DOCK4: variants seen among roughly 807,000 people sequenced by gnomAD.
DOCK4 encodes dedicator of cytokinesis protein 4.
Under a neutral mutation model 268.1 loss-of-function variants are expected in DOCK4, and 97 were observed. That is an observed-to-expected ratio of 0.36 (90% confidence interval 0.31 to 0.43). The LOEUF (loss-of-function observed/expected upper bound fraction) is 0.43, where lower values mean the gene tolerates loss of function less well. Among genes scored for constraint, DOCK4 ranks in the 20% least tolerant of loss-of-function variants. The pLI, the probability that DOCK4 is intolerant of heterozygous loss-of-function variation, is 1.00. For missense variants in DOCK4, 2,145 were observed against 2,455.7 expected, an observed-to-expected ratio of 0.87 and a Z score of 2.67; for synonymous variants, 954 against 887.2, an observed-to-expected ratio of 1.08 and a Z score of -1.34.
At chr7:111,849,610 T>C (rs1269834757) in intron 23 of DOCK4, among the ~76,000 whole-genome samples, 1 of 152,168 alleles carries the variant, frequency 6.6e-6, no homozygotes, top group East Asian at 1.9e-4. Flanking sequence ...TGATCCTTCA[T>C]TGTCCATTCA....
intron 23 of DOCK4, among the ~76,000 whole-genome samples, chr7:111,848,008 C>A (rs1349734431): frequency 1.3e-5 from 2 of 152,000 alleles, no homozygotes; most frequent in Non-Finnish European, 2.9e-5. Context: ...GGAAATTATC[C>A]CTGGTAATTC....
chr7:112,202,994 A>C (rs1293693613), intron 1 of DOCK4, among the ~76,000 whole-genome samples: 4 of 152,202 alleles, frequency 2.6e-5, no homozygotes, highest in Non-Finnish European at 5.9e-5. Context: ...ATGTCACAAC[A>C]AAAGTGTCTC....
chr7:111,856,362 T>C lies in DOCK4; in HGVS notation c.2473+7010A>G, dbSNP rs565839322. On this transcript the variant is annotated intron_variant, in intron 23 of 52. Transcript: ENST00000428084. ...GGGCAACTATGATTTCAGTGAGGTA[T>C]ATTTTTCATCTTAAGTTCTATGTGC... Among the ~76,000 whole-genome samples the C allele has an allele frequency of 4.6e-5, 7 of 152,344 alleles. No individual in the cohort carries two copies. The East Asian group carries it at 1.4e-3, about 29-fold the overall frequency.
chr7:111,918,138 C>G (rs1221254936), intron 12 of DOCK4, among the ~76,000 whole-genome samples: 1 of 152,124 alleles, frequency 6.6e-6, no homozygotes, highest in Non-Finnish European at 1.5e-5. Context: ...AAACTGGAGC[C>G]TCTCCTGAGG....
At chr7:111,891,927 G>C (rs1238746147) in intron 16 of DOCK4, among the ~76,000 whole-genome samples, 3 of 111,234 alleles carry the variant, frequency 2.7e-5, no homozygotes, top group Non-Finnish European at 5.2e-5. Flanking sequence ...ATAACTCTTG[G>C]TCAGTCAGGA....
intron 1 of DOCK4, among the ~76,000 whole-genome samples, chr7:112,066,497 C>CTT (rs1563051153): frequency 7.7e-6 from 1 of 129,964 alleles, no homozygotes; most frequent in Non-Finnish European, 1.5e-5. Context: ...TCTCTCTCTC[C>CTT]CTCTCTCTCT....
chr7:111,728,178 G>GTAAGT lies in DOCK4; in HGVS notation c.*91_*95dup. Reference sequence around the variant, plus strand: ...TAATTCCATTCATCGAAGGAGCTGAGTAAGTTATTAAAGTGCCTACACTAA... The same window carrying GTAAGT: ...TAATTCCATTCATCGAAGGAGCTGAGTAAGTTAAGTTATTAAAGTGCCTACACTAA... On this transcript the variant is annotated 3_prime_UTR_variant, in exon 53 of 53. Coordinates refer to ENST00000428084, the MANE Select transcript of DOCK4 (RefSeq NM_001363540.2). The GTAAGT allele has an allele frequency of 4.4e-6, 4 of 903,348 alleles. No individual in the cohort carries two copies. The allele number at this position is 903,348 out of a possible 1,614,324, so 56.0% of individuals were successfully genotyped here.
rs529272253 is a variant in DOCK4 at position 112,074,850 on chromosome 7, C to A, written c.38-70719G>T. On this transcript the variant is annotated intron_variant, in intron 1 of 52. Transcript: ENST00000428084. ...TCTTCTGAAGTCAGCTACAGCAGCA[C>A]TAGTAGAGCAGTATTCTCTTCTCAG... Among the ~76,000 whole-genome samples, 2 of 152,200 alleles carry A rather than the reference C, an allele frequency of 1.3e-5. 1 individual carries two copies. Among genetic ancestry groups the A allele is most frequent in the Admixed American group, 1.3e-4 (2 of 15,270 alleles).
intron 26 of DOCK4, among the ~76,000 whole-genome samples, chr7:111,830,006 G>C (rs1370142679): frequency 6.6e-6 from 1 of 152,058 alleles, no homozygotes; most frequent in Non-Finnish European, 1.5e-5. Context: ...TTGGTACTAA[G>C]GACTTTGTAT....
At chr7:111,983,228 C>G (rs974658260) in intron 7 of DOCK4, among the ~76,000 whole-genome samples, 11 of 152,152 alleles carry the variant, frequency 7.2e-5, no homozygotes, top group African/African-American at 2.7e-4. Flanking sequence ...CTTCTCAAAT[C>G]AGATACATCC....
intron 25 of DOCK4, among the ~76,000 whole-genome samples, chr7:111,835,602 G>A (rs1803176686): frequency 6.6e-6 from 1 of 152,120 alleles, no homozygotes; most frequent in South Asian, 2.1e-4. Context: ...TTTAAACAGA[G>A]TAATAACATT....
chr7:112,065,859 T>A (rs147601156), intron 1 of DOCK4, among the ~76,000 whole-genome samples: 1 of 152,186 alleles, frequency 6.6e-6, no homozygotes, highest in African/African-American at 2.4e-5. Flanking sequence ...CAGACATCAA[T>A]CACCATTTGA....
At position 111,869,033 on chromosome 7, in the gene DOCK4, T is replaced by C. The variant is rs144063605; in HGVS notation, c.2109+541A>G. Among the ~76,000 whole-genome samples the C allele has an allele frequency of 2.2e-4, 33 of 152,190 alleles. No individual in the cohort carries two copies. In the East Asian group the frequency reaches 6.0e-3, roughly 28 times the overall value. ...GTTACTGGACAATTCCTTTAAGAAT[T>C]TGTACTCTTTTTCAACATGTTTGCA... On this transcript the variant is annotated intron_variant, in intron 21 of 52. Transcript: ENST00000428084.
chr7:111,736,422 C>T (rs967281359), intron 50 of DOCK4, among the ~76,000 whole-genome samples: 1 of 152,068 alleles, frequency 6.6e-6, no homozygotes, highest in Non-Finnish European at 1.5e-5. Flanking sequence ...TTTGTGTGAC[C>T]TTGAGGCAGG....
At chr7:112,041,193 A>T (rs1804324213) in intron 1 of DOCK4, among the ~76,000 whole-genome samples, 1 of 152,168 alleles carries the variant, frequency 6.6e-6, no homozygotes. Flanking sequence ...AAGGTCACAG[A>T]ATGCCCAATT....
Position 111,736,949 on chromosome 7 carries a change from C to A in DOCK4, c.5273G>T (p.Arg1758Leu), listed in dbSNP as rs564183702. The change falls in exon 50 of 53, where the codon CGC (arginine) becomes CTC (leucine). Residue 1758 changes from arginine (R) to leucine (L), a missense_variant. Arg to Leu is a moderately radical substitution (Grantham distance 102, BLOSUM62 -2). Around this residue, in one of 2 missense-constraint regions of DOCK4, gnomAD observed 547 missense variants for 469.0 expected, o/e 1.17. Coordinates refer to ENST00000428084, the MANE Select transcript of DOCK4 (RefSeq NM_001363540.2). ...AGGTGCAGAGAGATTTGGGTCACTG[C>A]GTGGCAAGGCCCCGTCTCCAATATG... ...FNHIGDGALP[R>L]SDPNLSAPEK... is the part of the protein sequence containing the mutation. 2 of 1,604,590 alleles carry A rather than the reference C, an allele frequency of 1.2e-6. No individual in the cohort carries two copies. The highest frequency in any genetic ancestry group is 1.7e-5 in the Admixed American group (1 of 58,762).
chr7:112,135,402 T>A (rs1334428253), intron 1 of DOCK4, among the ~76,000 whole-genome samples: 1 of 144,300 alleles, frequency 6.9e-6, no homozygotes, highest in African/African-American at 2.4e-5. Flanking sequence ...CCATACACAC[T>A]GTAGGTACTT....
At chr7:111,802,213 T>C (rs1460553035) in intron 30 of DOCK4, among the ~76,000 whole-genome samples, 1 of 151,936 alleles carries the variant, frequency 6.6e-6, no homozygotes, top group East Asian at 1.9e-4. Context: ...CTAAACCCAC[T>C]AAACAGCTCA....
chr7:111,926,596 G>A (rs992764039), intron 12 of DOCK4, among the ~76,000 whole-genome samples: 12 of 149,024 alleles, frequency 8.1e-5, no homozygotes, highest in African/African-American at 2.8e-4. Flanking sequence ...GGCAAGGTGG[G>A]CAGATCACGA....
Sources: allele counts gnomAD v4.1 joint callset (sites outside exome capture counted in the v4.1 genomes callset), GRCh38; gene constraint gnomAD v4.1.1; regional missense constraint gnomAD v4.1.1; transcripts MANE v1.5; gene names NCBI Gene and HGNC (gene_info 2026-07-23, HGNC 2026-07-21).